Variants in ENTPD8 observed in about 807,000 individuals in gnomAD.
ENTPD8 encodes the protein ectonucleoside triphosphate diphosphohydrolase 8.
Under a neutral mutation model 47.0 loss-of-function variants are expected in ENTPD8, and 35 were observed. The ratio of observed to expected loss-of-function variants is 0.75; its 90% CI spans 0.57 to 0.99. The LOEUF (loss-of-function observed/expected upper bound fraction) is 0.99, where lower values mean the gene tolerates loss of function less well. Ranked by LOEUF, ENTPD8 falls within the 50% of genes least tolerant of loss-of-function variation. The pLI is 0.00. For missense variants in ENTPD8, 668 were observed against 649.9 expected (o/e 1.03, Z -0.30); for synonymous variants, 308 against 290.5 (o/e 1.06, Z -0.61).
intron 4 of ENTPD8, 37 bp downstream of exon 4, chr9:137,437,122 C>G (rs1465831830): frequency 6.2e-7 from 1 of 1,604,614 alleles, no homozygotes; most frequent in East Asian, 2.2e-5. Flanking sequence ...GCTTCTGCAG[C>G]CACTCCCCGT....
At position 137,434,364 on chromosome 9, in the gene ENTPD8, T is replaced by C. The variant is rs1207233649; in HGVS notation, c.*550A>G. 1 of 1,580,896 alleles carries C rather than the reference T, an allele frequency of 6.3e-7. No homozygotes were observed. ...CCAGCAGGGAGATCAGCCCTAATGA[T>C]GCTGTGTCCATGATGCTTTTAATAA... On this transcript the variant is annotated 3_prime_UTR_variant, in exon 10 of 10. Coordinates refer to ENST00000371506, the MANE Select transcript of ENTPD8 (RefSeq NM_001033113.2).
In ENTPD8 at chr9:137,438,700, C is replaced by G. The variant is rs894458882; in HGVS notation, c.-20-395G>C. Among the ~76,000 whole-genome samples, 1 of 152,136 alleles carries G rather than the reference C, an allele frequency of 6.6e-6. No individual in the cohort carries two copies. Among genetic ancestry groups the G allele is most frequent in the Non-Finnish European group, 1.5e-5 (1 of 67,988 alleles). The stretch of plus-strand genomic sequence containing the variant: ...TCAGACGCCTCCCGTGGCCAAGGAC[C>G]ACTCCCCAGGAGCCACGCCTGCCAG... On this transcript the variant is annotated intron_variant, in intron 1 of 9. Coordinates refer to ENST00000371506, the MANE Select transcript of ENTPD8 (RefSeq NM_001033113.2). The surrounding 1 kb of genome is among the most constrained non-coding windows in gnomAD (Gnocchi z 5.7).
chr9:137,436,058 G>A lies in ENTPD8; in HGVS notation c.1005C>T (p.Cys335=), dbSNP rs114211344. 2,179 of 1,612,912 alleles carry A rather than the reference G, an allele frequency of 1.4e-3. 22 individuals carry two copies. The African/African-American group carries it at 0.021, about 15-fold the overall frequency. Residue 335 remains cysteine (C), a synonymous_variant, in exon 7 of 10, where the codon TGC becomes TGT. Coordinates refer to ENST00000371506, the MANE Select transcript of ENTPD8 (RefSeq NM_001033113.2). Reference sequence around the variant, plus strand: ...GGGGCTGGTAGACCCCGTCAAAGGCGCAGTCCTCCTGGCCCTGGCAGCTGG... The same window carrying A: ...GGGGCTGGTAGACCCCGTCAAAGGCACAGTCCTCCTGGCCCTGGCAGCTGG... ...NFSSCQGQED[C]AFDGVYQPPL...
At chr9:137,437,346 C>A in intron 3 of ENTPD8, 37 bp from the exon 4 acceptor site, 1 of 1,584,378 alleles carries the variant, frequency 6.3e-7, no homozygotes. Context: ...CCAGACCCCG[C>A]AGGCTGGCTG....
rs776233331 is a variant in ENTPD8 at position 137,435,830 on chromosome 9, CTGAG to C, written c.1051-5_1051-2del. On this transcript the variant is annotated splice_acceptor_variant and splice_polypyrimidine_tract_variant and intron_variant, in intron 7 of 9. Transcript: ENST00000371506. LOFTEE classifies it high-confidence loss of function. ...AGGTGTAGTAGAAGTTGGAGAAGGCCTGAGTGAGAGGGGAGGTGGCTGTGCCTTC... is the reference window on the plus strand; with the variant it reads ...AGGTGTAGTAGAAGTTGGAGAAGGCCTGAGAGGGGAGGTGGCTGTGCCTTC... 4 of 1,613,220 alleles carry C rather than the reference CTGAG, an allele frequency of 2.5e-6. No individual in the cohort carries two copies. In the Admixed American group the frequency reaches 5.0e-5, roughly 20 times the overall value.
chr9:137,436,651 C>T lies in ENTPD8; in HGVS notation c.656G>A (p.Gly219Asp), dbSNP rs1294822320. Residue 219 changes from glycine to aspartate, a missense_variant, in exon 6 of 10, where the codon GGC becomes GAC. Gly to Asp is a moderately conservative substitution (Grantham distance 94, BLOSUM62 -1). Transcript: ENST00000371506. The part of the protein sequence containing the change: ...ASTQITFVPG[G>D]PILDKSTQAD... The stretch of plus-strand genomic sequence containing the variant: ...CTGGGTGCTCTTGTCCAAGATGGGG[C>T]CCCCAGGCACGAACGTGATCTGGGT... 7 of 1,601,400 alleles carry T rather than the reference C, an allele frequency of 4.4e-6. No individual in the cohort carries two copies. Among genetic ancestry groups the T allele is most frequent in the African/African-American group, 2.7e-5 (2 of 74,826 alleles).
rs751603146 is a variant in ENTPD8, at chr9:137,438,025, C to T, written c.186G>A (p.Leu62=). The change falls in exon 3 of 10, where the codon CTG becomes CTA. Residue 62 remains leucine (L), a synonymous_variant. Coordinates refer to ENST00000371506, the MANE Select transcript of ENTPD8 (RefSeq NM_001033113.2). The surrounding 1 kb of genome is among the most constrained non-coding windows in gnomAD (Gnocchi z 5.7). ...CACCCGTGCCATTCTCCTTGTTCGC[C>T]AGCCACTGATACAGGAAGAGGGACG... The part of the protein sequence containing the change: ...SHTSLFLYQW[L]ANKENGTGVV... 43 of 1,612,866 alleles carry T rather than the reference C, an allele frequency of 2.7e-5. No homozygotes were observed. Among genetic ancestry groups the T allele is most frequent in the African/African-American group, 2.0e-4 (15 of 74,938 alleles).
rs922308044 is a variant in ENTPD8, at chr9:137,434,371, T to C, written c.*543A>G. ...GGAGATCAGCCCTAATGATGCTGTG[T>C]CCATGATGCTTTTAATAAAAACAAC... On this transcript the variant is annotated 3_prime_UTR_variant, in exon 10 of 10. Transcript: ENST00000371506. 1.3e-6 allele frequency: 2 copies of C among 1,559,356 alleles called. No homozygotes were observed. Among genetic ancestry groups the C allele is most frequent in the African/African-American group, 2.7e-5 (2 of 73,230 alleles).
At chr9:137,436,788 AC>A (rs1000513533) in intron 5 of ENTPD8, 37 bp from the exon 6 acceptor site, 1 of 1,601,496 alleles carries the variant, frequency 6.2e-7, no homozygotes, top group Non-Finnish European at 8.5e-7. Context: ...GGGAGCAGCC[AC>A]CCGGACCCCG....
Position 137,435,105 on chromosome 9 carries a change from C to CCTGCGGGACACACGGCTGCTCAGGG in ENTPD8, c.1297-25_1297-1dup (p.Ala433ProfsTer2). ...GTCCAGCCAATGTCCACACCGCCCG[C>CCTGCGGGACACACGGCTGCTCAGGG]CTGCGGGACACACGGCTGCTCAGGG... On this transcript the variant is annotated stop_gained and frameshift_variant and splice_region_variant. Coordinates refer to ENST00000371506, the MANE Select transcript of ENTPD8 (RefSeq NM_001033113.2). LOFTEE classifies it high-confidence loss of function. The CCTGCGGGACACACGGCTGCTCAGGG allele has an allele frequency of 6.2e-7, 1 of 1,608,600 alleles. No individual in the cohort carries two copies.
Position 137,434,673 on chromosome 9 carries a change from G to T in ENTPD8, c.*241C>A. The T allele has an allele frequency of 1.6e-6, 1 of 622,426 alleles. No individual in the cohort carries two copies. The highest frequency in any genetic ancestry group is 2.7e-6 in the Non-Finnish European group (1 of 367,506). The allele number at this position is 622,426 out of a possible 1,614,324, so 38.6% of individuals were successfully genotyped here. ...CACGAGTCCTGGCGGCCTGTGTGCA[G>T]AAAGGCACCTACGGCCCTGGAAGCC... On this transcript the variant is annotated 3_prime_UTR_variant, in exon 10 of 10. Transcript: ENST00000371506.
chr9:137,437,419 G>A (rs1444845961), intron 3 of ENTPD8, 110 bp from the exon 4 acceptor site: 1 of 1,364,990 alleles, frequency 7.3e-7, no homozygotes, highest in African/African-American at 1.5e-5. Context: ...CACCAGCCAA[G>A]GGCTGCGTGG....
In ENTPD8 at chr9:137,436,686, T is replaced by C. The variant is rs1166282464; in HGVS notation, c.621A>G (p.Gly207=). ...CGAACGTGATCTGGGTGGAGGCCCC[T>C]CCCATGTCCAGGGCACCCACCAGCA... ...EEMLVGALDM[G]GASTQITFVP... Residue 207 remains glycine (G), a synonymous_variant, in exon 6 of 10, where the codon GGA becomes GGG. Coordinates refer to ENST00000371506, the MANE Select transcript of ENTPD8 (RefSeq NM_001033113.2). The C allele has an allele frequency of 6.3e-7, 1 of 1,598,362 alleles. No individual in the cohort carries two copies. The highest frequency in any genetic ancestry group is 1.7e-5 in the Admixed American group (1 of 57,228).
Position 137,434,606 on chromosome 9 carries a change from GC to G in ENTPD8, c.*307del, listed in dbSNP as rs1319266042. 3.4e-6 allele frequency: 2 copies of G among 585,168 alleles called. No homozygotes were observed. Among genetic ancestry groups the G allele is most frequent in the Admixed American group, 6.7e-5 (2 of 29,678 alleles). The allele number at this position is 585,168 out of a possible 1,614,324, so 36.2% of individuals were successfully genotyped here. A position where few individuals can be genotyped will look rare whatever the true frequency, so the allele number is the denominator to read the frequency against. ...GTGCCTCCGTGGTCTTGCCCTGTTT[GC>G]AGGCAGCATGTGGCCCTGCAGTCAC... is the stretch of plus-strand genomic sequence containing the variant. On this transcript the variant is annotated 3_prime_UTR_variant, in exon 10 of 10. Transcript: ENST00000371506.
rs754566549 is a variant in ENTPD8 at position 137,438,057 on chromosome 9, A to T, written c.154T>A (p.Ser52Thr). Residue 52 changes from serine to threonine, a missense_variant, in exon 3 of 10, where the codon TCC becomes ACC. Transcript: ENST00000371506. The surrounding 1 kb of genome is among the most constrained non-coding windows in gnomAD (Gnocchi z 5.7). ...TGATACAGGAAGAGGGACGTGTGGG[A>T]GGAGCCCGCATCAAACACGATCCCA... is the stretch of plus-strand genomic sequence containing the variant. Reference protein sequence around the residue: ...KFGIVFDAGSSHTSLFLYQWL... With the variant: ...KFGIVFDAGSTHTSLFLYQWL... 6.2e-7 allele frequency: 1 copy of T among 1,612,808 alleles called. No individual in the cohort carries two copies. Among genetic ancestry groups the T allele is most frequent in the South Asian group, 1.1e-5 (1 of 91,084 alleles).
intron 7 of ENTPD8, 40 bp downstream of exon 7, chr9:137,435,973 G>A: frequency 6.2e-7 from 1 of 1,607,226 alleles, no homozygotes; most frequent in Non-Finnish European, 8.5e-7. Context: ...GGCCTCACAA[G>A]GAAGCCCGGA....
In ENTPD8 at chr9:137,437,924, A is replaced by C. The variant is rs376869050; in HGVS notation, c.244+43T>G. 1.2e-4 allele frequency: 176 copies of C among 1,529,040 alleles called. 2 individuals carry two copies. In the African/African-American group the frequency reaches 2.1e-3, roughly 18 times the overall value. 94.7% of individuals were successfully genotyped at this position (1,529,040 alleles called of 1,614,324 possible). On this transcript the variant is annotated intron_variant, in intron 3 of 9. Transcript: ENST00000371506. ...CAGCTGGGAATCCCAGCCAGGCAGC[A>C]ACAGGCAGGTCCCAGCACCGGGCTG...
At chr9:137,435,896 G>C in intron 7 of ENTPD8, 67 bp from the exon 8 acceptor site, 1 of 1,605,084 alleles carries the variant, frequency 6.2e-7, no homozygotes. Flanking sequence ...CCCCACCCGG[G>C]CTCCCAGAGC....
chr9:137,437,387 A>C, intron 3 of ENTPD8, 78 bp from the exon 4 acceptor site: 1 of 1,514,962 alleles, frequency 6.6e-7, no homozygotes, highest in East Asian at 2.3e-5. Context: ...AGACATGACC[A>C]CCTCATGCCC....
Sources: allele counts gnomAD v4.1 joint callset (sites outside exome capture counted in the v4.1 genomes callset), GRCh38; gene constraint gnomAD v4.1.1; non-coding constraint Gnocchi (gnomAD v3.1); transcripts MANE v1.5; gene names NCBI Gene and HGNC (gene_info 2026-07-23, HGNC 2026-07-21).